Variants in CROCC2 observed in about 807,000 individuals in gnomAD.
The protein encoded by CROCC2 is ciliary rootlet coiled-coil, rootletin family member 2.
A neutral mutation model predicts 177.6 loss-of-function variants in CROCC2; 163 were observed. The ratio of observed to expected loss-of-function variants is 0.92; its 90% confidence interval spans 0.81 to 1.05. The LOEUF (loss-of-function observed/expected upper bound fraction) is 1.05. Ranked by LOEUF, CROCC2 falls within the 50% of genes least tolerant of loss-of-function variation. CROCC2 has a pLI of 0.00. For synonymous variants in CROCC2, 904 were observed against 787.3 expected (o/e 1.15, Z -2.48); for missense variants, 1,929 against 1,797.8 (o/e 1.07, Z -1.32).
chr2:240,915,524 G>T (rs1056846745), intron 1 of CROCC2, among the ~76,000 whole-genome samples: 10 of 152,224 alleles, frequency 6.6e-5, no homozygotes, highest in African/African-American at 2.4e-4. Flanking sequence ...CATGAGGTGG[G>T]GGGTAACACC....
intron 14 of CROCC2, among the ~76,000 whole-genome samples, chr2:240,938,958 A>G (rs769469507): frequency 1.2e-4 from 18 of 152,142 alleles, no homozygotes; most frequent in Non-Finnish European, 2.2e-4. Flanking sequence ...ATTCATCTGT[A>G]ACAATAGTTT....
rs1294459787 is a variant in CROCC2, at chr2:240,932,688, T to C, written c.1045-14T>C. On this transcript the variant is annotated splice_polypyrimidine_tract_variant and intron_variant, in intron 8 of 31. Transcript: ENST00000690015. ...CTCTGGGCCCCTCTATCCCTTCCTC[T>C]CTGCACCTTGAAGGTGGCCCAGGAG... 1 of 731,946 alleles carries C rather than the reference T, an allele frequency of 1.4e-6. No individual in the cohort carries two copies. The highest frequency in any genetic ancestry group is 1.5e-5 in the South Asian group (1 of 67,844). 45.3% of individuals were successfully genotyped at this position (731,946 alleles called of 1,614,324 possible).
rs1468182211 is a variant in CROCC2, at chr2:240,972,006, G to A, written c.4401+3744G>A. ...CCCTGTCCTCACCTTGAGAACACTA[G>A]TTACCATCTTCTGGTGTGTGTCAGT... On this transcript the variant is annotated intron_variant, in intron 27 of 31. Coordinates refer to ENST00000690015, the MANE Select transcript of CROCC2 (RefSeq NM_001351305.2). The surrounding 1 kb of genome is among the most constrained non-coding windows in gnomAD (Gnocchi z 7.1). Among the ~76,000 whole-genome samples, 2 of 152,086 alleles carry A rather than the reference G, an allele frequency of 1.3e-5. No homozygotes were observed. The highest frequency in any genetic ancestry group is 2.9e-5 in the Non-Finnish European group (2 of 68,026).
chr2:240,921,950 TG>T (rs530186699), intron 3 of CROCC2, among the ~76,000 whole-genome samples: 171 of 152,304 alleles, frequency 1.1e-3, no homozygotes, highest in Admixed American at 3.5e-3. Flanking sequence ...CCCTGGGCAG[TG>T]GGCCCACATC....
At chr2:240,939,921 G>A (rs1198160831) in intron 14 of CROCC2, among the ~76,000 whole-genome samples, 4 of 152,080 alleles carry the variant, frequency 2.6e-5, no homozygotes, top group Admixed American at 1.3e-4. Context: ...TGTATTATTT[G>A]AATGGATTTA....
chr2:240,930,030 G>A, intron 5 of CROCC2, 136 bp from the exon 6 acceptor site: 1 of 532,444 alleles, frequency 1.9e-6, no homozygotes, highest in South Asian at 3.4e-5. Flanking sequence ...TCATTTGCCT[G>A]TGAGATATGG....
chr2:240,964,485 G>C lies in CROCC2; in HGVS notation c.3325G>C (p.Glu1109Gln). ...EKASFKRSKE[E>Q]KEQKLLILEE... The stretch of plus-strand genomic sequence containing the variant: ...CGTCAGTTTTAAGCGGTCCAAGGAG[G>C]AGAAGGAGCAGAAGCTGCTCATCCT... Residue 1109 changes from glutamate (E) to glutamine (Q), a missense_variant, in exon 22 of 32, where the codon GAG becomes CAG. Physicochemically the swap from Glu to Gln is conservative, Grantham distance 29. Around this residue, in one of 3 missense-constraint regions of CROCC2, gnomAD observed 1,397 missense variants for 1,239.9 expected, o/e 1.13. Coordinates refer to ENST00000690015, the MANE Select transcript of CROCC2 (RefSeq NM_001351305.2). 6.5e-7 allele frequency: 1 copy of C among 1,548,806 alleles called. No homozygotes were observed. The highest frequency in any genetic ancestry group is 2.0e-5 in the Admixed American group (1 of 50,996).
intron 27 of CROCC2, among the ~76,000 whole-genome samples, chr2:240,968,941 G>A (rs546753356): frequency 2.0e-4 from 31 of 152,328 alleles, no homozygotes; most frequent in Non-Finnish European, 3.4e-4. Context: ...AGCAGCCCCC[G>A]GGGTGTCCTG....
intron 11 of CROCC2, 151 bp from the exon 12 acceptor site, chr2:240,934,180 C>T: frequency 1.2e-6 from 1 of 856,386 alleles, no homozygotes; most frequent in Non-Finnish European, 1.7e-6. Context: ...AAGCGAAGGG[C>T]TCCCTGCCTT....
Position 240,955,935 on chromosome 2 carries a change from T to A in CROCC2, c.2906T>A (p.Val969Glu). 6.5e-7 allele frequency: 1 copy of A among 1,534,644 alleles called. No homozygotes were observed. The highest frequency in any genetic ancestry group is 2.4e-5 in the East Asian group (1 of 40,900). The change falls in exon 19 of 32, where the codon GTA (valine) becomes GAA (glutamate). Residue 969 changes from valine (V) to glutamate (E), a missense_variant. This residue lies in a region of CROCC2 where 1,397 missense variants were observed against 1,239.9 expected (regional missense o/e 1.13). Coordinates refer to ENST00000690015, the MANE Select transcript of CROCC2 (RefSeq NM_001351305.2). Reference protein sequence around the residue: ...LSRARRTLERVQQEAQSQQEQ... With the variant: ...LSRARRTLEREQQEAQSQQEQ... ...AGGGCCAGGAGGACGCTAGAGCGGG[T>A]ACAGCAGGAGGCACAGAGCCAGCAG...
At chr2:240,922,854 T>C (rs1474974897) in intron 4 of CROCC2, among the ~76,000 whole-genome samples, 24 of 152,210 alleles carry the variant, frequency 1.6e-4, no homozygotes, top group Non-Finnish European at 8.8e-5. Flanking sequence ...GGGGACTGAC[T>C]TGAGTGGCTG....
intron 19 of CROCC2, among the ~76,000 whole-genome samples, chr2:240,957,066 G>A (rs187670888): frequency 6.6e-6 from 1 of 152,252 alleles, no homozygotes; most frequent in African/African-American, 2.4e-5. Flanking sequence ...AATAGACACA[G>A]GTGCGAGGGT....
intron 20 of CROCC2, among the ~76,000 whole-genome samples, chr2:240,961,913 A>G (rs1187959319): frequency 6.8e-6 from 1 of 146,550 alleles, no homozygotes; most frequent in African/African-American, 2.6e-5. Flanking sequence ...TAGTGCATGC[A>G]CAGGCATACG....
At chr2:240,914,783 CGGGGTGGTGGGGCTGCTGA>C (rs2059309339) in intron 1 of CROCC2, among the ~76,000 whole-genome samples, 1 of 152,154 alleles carries the variant, frequency 6.6e-6, no homozygotes, top group Non-Finnish European at 1.5e-5. Context: ...GACGGGACGA[CGGGGTGGTGGGGCTGCTGA>C]GGGCTGGTGG....
At chr2:240,989,936 C>A in intron 30 of CROCC2, 103 bp downstream of exon 30, 1 of 1,136,164 alleles carries the variant, frequency 8.8e-7, no homozygotes, top group Non-Finnish European at 1.2e-6. Flanking sequence ...AGTCCTCTAG[C>A]AACAGGGGCT....
chr2:240,907,589 C>A (rs2059264200), intron 1 of CROCC2, among the ~76,000 whole-genome samples: 1 of 152,176 alleles, frequency 6.6e-6, no homozygotes. Flanking sequence ...GTGCAGGTGA[C>A]CGAGTGACAG....
At chr2:240,936,114 C>G (rs777131641) in intron 14 of CROCC2, among the ~76,000 whole-genome samples, 1 of 152,234 alleles carries the variant, frequency 6.6e-6, no homozygotes, top group Non-Finnish European at 1.5e-5. Flanking sequence ...GATTCCGCAG[C>G]CCCCGTCACA....
Position 240,949,615 on chromosome 2 carries a change from G to A in CROCC2, c.2565G>A (p.Val855=). The part of the protein sequence containing the change: ...RQDTVRLQRQ[V]AQQEREAQRA... ...ACACGGTGCGGCTCCAGCGACAGGT[G>A]GCACAGCAGGAGCGGGAGGCACAGC... Residue 855 remains valine (V), a synonymous_variant, in exon 17 of 32, where the codon GTG becomes GTA. Coordinates refer to ENST00000690015, the MANE Select transcript of CROCC2 (RefSeq NM_001351305.2). The surrounding 1 kb of genome is among the most constrained non-coding windows in gnomAD (Gnocchi z 4.5). The A allele has an allele frequency of 6.4e-7, 1 of 1,550,536 alleles. No homozygotes were observed. Among genetic ancestry groups the A allele is most frequent in the South Asian group, 1.2e-5 (1 of 84,056 alleles).
intron 28 of CROCC2, chr2:240,983,563 C>T (rs902598731): frequency 7.8e-7 from 1 of 1,277,214 alleles, no homozygotes. Context: ...CGGCGCTGCG[C>T]GCTCAGCTCG....
Sources: gnomAD v4.1 joint callset for allele counts (sites outside exome capture counted in the v4.1 genomes callset) on GRCh38, gnomAD v4.1.1 for gene constraint, gnomAD v4.1.1 regional missense constraint, Gnocchi (gnomAD v3.1) non-coding constraint, MANE v1.5 for transcripts, NCBI Gene and HGNC (gene_info 2026-07-23, HGNC 2026-07-21) for gene names.